The following MGAT4C variants were observed in gnomAD, a reference collection of about 807,000 sequenced individuals.
The protein encoded by MGAT4C is alpha-1,3-mannosyl-glycoprotein 4-beta-N-acetylglucosaminyltransferase C.
A neutral mutation model predicts 40.1 loss-of-function variants in MGAT4C; 19 were observed. That is an observed-to-expected ratio of 0.47 (90% confidence interval 0.33 to 0.70). MGAT4C has a LOEUF of 0.70. MGAT4C is among the 30% of genes least tolerant of loss of function. MGAT4C has a pLI of 0.02. For synonymous variants in MGAT4C, 181 were observed against 187.1 expected (o/e 0.97, Z 0.27); for missense variants, 491 against 563.2 (o/e 0.87, Z 1.30).
intron 2 of MGAT4C, among the ~76,000 whole-genome samples, chr12:86,685,915 C>T (rs777360929): frequency 1.3e-5 from 2 of 149,074 alleles, no homozygotes; most frequent in African/African-American, 2.5e-5. Context: ...CAGGCTGGAG[C>T]GCAGTGGCAC....
chr12:86,779,786 G>A (rs1428522146), intron 1 of MGAT4C, among the ~76,000 whole-genome samples: 1 of 151,818 alleles, frequency 6.6e-6, no homozygotes, highest in Admixed American at 6.6e-5. Flanking sequence ...GGTGGCGGGC[G>A]CCTGTAGTCC....
chr12:86,309,900 G>A (rs898759529), intron 4 of MGAT4C, among the ~76,000 whole-genome samples: 2 of 152,070 alleles, frequency 1.3e-5, no homozygotes, highest in African/African-American at 4.8e-5. Flanking sequence ...CTTGCACAGT[G>A]TGCACTAAAA....
At chr12:86,804,548 G>C (rs147818154) in intron 1 of MGAT4C, among the ~76,000 whole-genome samples, 1 of 151,714 alleles carries the variant, frequency 6.6e-6, no homozygotes, top group African/African-American at 2.4e-5. Context: ...TATTGTAATT[G>C]AAATAAGTCT....
chr12:86,072,770 T>C (rs980831464), intron 1 of MGAT4C, among the ~76,000 whole-genome samples: 4 of 152,234 alleles, frequency 2.6e-5, no homozygotes, highest in Admixed American at 2.0e-4. Flanking sequence ...AAAGTAACTA[T>C]ACTAATATTT....
At chr12:86,548,200 T>C (rs1420869799) in intron 2 of MGAT4C, among the ~76,000 whole-genome samples, 1 of 152,102 alleles carries the variant, frequency 6.6e-6, no homozygotes, top group African/African-American at 2.4e-5. Context: ...GGAATATGCA[T>C]GGCAAAAATA....
At chr12:86,161,944 G>A (rs1325520067) in intron 1 of MGAT4C, among the ~76,000 whole-genome samples, 1 of 152,080 alleles carries the variant, frequency 6.6e-6, no homozygotes, top group Non-Finnish European at 1.5e-5. Context: ...AAACTACAAT[G>A]AGATACCATC....
intron 2 of MGAT4C, among the ~76,000 whole-genome samples, chr12:86,487,490 A>G (rs1958040536): frequency 6.6e-6 from 1 of 152,166 alleles, no homozygotes; most frequent in South Asian, 2.1e-4. Context: ...AAACTTACCA[A>G]TTTAGAAAAC....
Position 86,669,323 on chromosome 12 carries a change from G to C in MGAT4C, c.-229+57886C>G, listed in dbSNP as rs192849998. 3.2e-3 allele frequency among the ~76,000 whole-genome samples: 478 copies of C among 151,304 alleles called. 1 individual carries two copies. Among genetic ancestry groups the C allele is most frequent in the African/African-American group, 0.011 (462 of 41,270 alleles). On this transcript the variant is annotated intron_variant, in intron 2 of 7. Transcript: ENST00000548651. Reference sequence around the variant, plus strand: ...TTCCTGTGCAGAGATCCAGGTGCAGGGGGCCCTCTCTGTCATAAGCCCAGT... The same window carrying C: ...TTCCTGTGCAGAGATCCAGGTGCAGCGGGCCCTCTCTGTCATAAGCCCAGT...
chr12:86,307,545 G>A (rs1016653703), intron 4 of MGAT4C, among the ~76,000 whole-genome samples: 4 of 150,168 alleles, frequency 2.7e-5, no homozygotes, highest in African/African-American at 1.0e-4. Context: ...GTCTATGCTC[G>A]GGCAACTGCT....
At chr12:86,557,948 C>A (rs921384538) in intron 2 of MGAT4C, among the ~76,000 whole-genome samples, 1 of 151,576 alleles carries the variant, frequency 6.6e-6, no homozygotes, top group Non-Finnish European at 1.5e-5. Context: ...CAAAAGAACA[C>A]AGATAAACCA....
chr12:86,624,941 T>A (rs902832897), intron 2 of MGAT4C, among the ~76,000 whole-genome samples: 7 of 152,030 alleles, frequency 4.6e-5, no homozygotes, highest in Admixed American at 1.3e-4. Context: ...TCATCTCAAA[T>A]TGTAATCCTG....
At chr12:86,011,742 G>A (rs947743044) in intron 2 of MGAT4C, 105 of 713,110 alleles carry the variant, frequency 1.5e-4, no homozygotes, top group Non-Finnish European at 1.7e-4. Context: ...TATAATTTGC[G>A]AATAATACTG....
At chr12:86,037,607 A>G (rs1369703406) in intron 2 of MGAT4C, among the ~76,000 whole-genome samples, 2 of 149,856 alleles carry the variant, frequency 1.3e-5, no homozygotes, top group Non-Finnish European at 3.0e-5. Flanking sequence ...GTTTTGAGTG[A>G]GTTTCTTAAT....
At chr12:86,826,068 C>G (rs931199073) in intron 1 of MGAT4C, among the ~76,000 whole-genome samples, 1 of 151,354 alleles carries the variant, frequency 6.6e-6, no homozygotes, top group Non-Finnish European at 1.5e-5. Flanking sequence ...CAGGACCCAA[C>G]AAGCTCCTCA....
At chr12:86,002,756 A>G (rs978153453) in intron 2 of MGAT4C, among the ~76,000 whole-genome samples, 8 of 150,668 alleles carry the variant, frequency 5.3e-5, no homozygotes, top group Non-Finnish European at 8.9e-5. Flanking sequence ...ATATCATAAT[A>G]TATATGAGAT....
Position 86,806,449 on chromosome 12 carries a change from T to TGTGA in MGAT4C, c.-262+32216_-262+32217insTCAC, listed in dbSNP as rs5799800. On this transcript the variant is annotated intron_variant, in intron 1 of 7. Transcript: ENST00000548651. ...TTACATCTGTGTGTGTGTGTGTGTGTGAGAGAGAGAGTATATGTGTGTTTA... is the reference window on the plus strand; with the variant it reads ...TTACATCTGTGTGTGTGTGTGTGTGTGTGAGAGAGAGAGAGTATATGTGTGTTTA... 4.3e-3 allele frequency among the ~76,000 whole-genome samples: 640 copies of TGTGA among 149,994 alleles called. 3 individuals carry two copies. The highest frequency in any genetic ancestry group is 0.017 in the Middle Eastern group (5 of 290).
chr12:86,216,474 TAGA>T (rs1950676288), intron 1 of MGAT4C, among the ~76,000 whole-genome samples: 1 of 152,240 alleles, frequency 6.6e-6, no homozygotes, highest in Non-Finnish European at 1.5e-5. Context: ...AATTTGGATC[TAGA>T]AGTTTTTTAA....
At chr12:86,021,514 T>C (rs201235555) in intron 2 of MGAT4C, among the ~76,000 whole-genome samples, 1 of 142,486 alleles carries the variant, frequency 7.0e-6, no homozygotes, top group East Asian at 2.1e-4. Flanking sequence ...CGCATGTTCT[T>C]ACTCATAGGT....
At chr12:86,360,185 A>G (rs1273443007) in intron 3 of MGAT4C, among the ~76,000 whole-genome samples, 1 of 152,158 alleles carries the variant, frequency 6.6e-6, no homozygotes, top group Non-Finnish European at 1.5e-5. Context: ...TTCAACATAC[A>G]CAAATCAATA....
Sources: gnomAD v4.1 joint callset for allele counts (sites outside exome capture counted in the v4.1 genomes callset) on GRCh38, gnomAD v4.1.1 for gene constraint, MANE v1.5 for transcripts, NCBI Gene and HGNC (gene_info 2026-07-23, HGNC 2026-07-21) for gene names.